The following GNB1L variants were observed in gnomAD, a reference collection of about 807,000 sequenced individuals.
The protein encoded by GNB1L is G protein subunit beta 1 like.
A neutral mutation model predicts 29.1 loss-of-function variants in GNB1L; 20 were observed. The observed-to-expected ratio is 0.69, with a 90% confidence interval of 0.48 to 1.00. The LOEUF is 1.00. Ranked by LOEUF, GNB1L falls within the 50% of genes least tolerant of loss-of-function variation. GNB1L has a pLI of 0.00. For missense variants in GNB1L, 421 were observed against 464.9 expected (o/e 0.91, Z 0.87); for synonymous variants, 193 against 206.5 (o/e 0.93, Z 0.56).
In GNB1L at chr22:19,831,570, A is replaced by G. The variant is rs540937878; in HGVS notation, c.-20-10195T>C. On this transcript the variant is annotated intron_variant, in intron 2 of 7. Transcript: ENST00000329517. ...GCTGGGTGTGGTGGCAGGTGCCTGT[A>G]GTCCCAGTTACTTGGGAGGCTGAGG... 2.0e-5 allele frequency among the ~76,000 whole-genome samples: 3 copies of G among 151,842 alleles called. 1 individual carries two copies. Among genetic ancestry groups the G allele is most frequent in the East Asian group, 1.9e-4 (1 of 5,160 alleles).
chr22:19,788,386 T>G lies in GNB1L; in HGVS notation c.*323A>C. On this transcript the variant is annotated 3_prime_UTR_variant, in exon 8 of 8. Transcript: ENST00000329517. Reference sequence around the variant, plus strand: ...TGCTAAGTGGGGGACCAGGGCCTCCTCAGGGAGCTCCCACCTCAAGCCTGC... The same window carrying G: ...TGCTAAGTGGGGGACCAGGGCCTCCGCAGGGAGCTCCCACCTCAAGCCTGC... 1 of 587,678 alleles carries G rather than the reference T, an allele frequency of 1.7e-6. No individual in the cohort carries two copies. Among genetic ancestry groups the G allele is most frequent in the South Asian group, 2.1e-5 (1 of 48,244 alleles). The allele number at this position is 587,678 out of a possible 1,614,324, so 36.4% of individuals were successfully genotyped here.
At chr22:19,846,074 G>A (rs1937953024) in intron 2 of GNB1L, 1 of 152,246 alleles carries the variant, frequency 6.6e-6, no homozygotes, top group African/African-American at 2.4e-5. Flanking sequence ...GGAAAAAGGT[G>A]AAATGGGATC....
intron 2 of GNB1L, among the ~76,000 whole-genome samples, chr22:19,828,321 G>A (rs1937636529): frequency 6.6e-6 from 1 of 152,148 alleles, no homozygotes; most frequent in African/African-American, 2.4e-5. Context: ...ACTTGACAAA[G>A]ACAGATAGTT....
Position 19,806,818 on chromosome 22 carries a change from CAA to C in GNB1L, c.418-63_418-62del, listed in dbSNP as rs367790796. ...CCAAGTCGAGTCTGCGCTATACAAA[CAA>C]GAGACTCTTAAGGCGATTAGCCCGG... On this transcript the variant is annotated intron_variant, in intron 5 of 7. Transcript: ENST00000329517. The C allele has an allele frequency of 4.2e-4, 493 of 1,173,450 alleles. No individual in the cohort carries two copies. The African/African-American group carries it at 6.6e-3, about 16-fold the overall frequency. 72.7% of individuals were successfully genotyped at this position (1,173,450 alleles called of 1,614,324 possible).
At chr22:19,814,518 G>C (rs540536272) in intron 4 of GNB1L, among the ~76,000 whole-genome samples, 1 of 152,188 alleles carries the variant, frequency 6.6e-6, no homozygotes, top group South Asian at 2.1e-4. Context: ...GTAAGCAAAA[G>C]CTATACCTTG....
At chr22:19,792,344 T>C (rs1056679771) in intron 7 of GNB1L, 2 of 1,173,862 alleles carry the variant, frequency 1.7e-6, no homozygotes, top group Non-Finnish European at 2.5e-6. Flanking sequence ...TGGCCCCTGC[T>C]GTCATGAAGA....
chr22:19,851,231 G>A (rs758850074), intron 2 of GNB1L: 19 of 1,601,016 alleles, frequency 1.2e-5, no homozygotes, highest in African/African-American at 8.0e-5. Flanking sequence ...CTCCTGTGGG[G>A]TACCTAAGGA....
intron 4 of GNB1L, among the ~76,000 whole-genome samples, chr22:19,814,524 C>T (rs1474700057): frequency 1.3e-5 from 2 of 152,196 alleles, no homozygotes; most frequent in African/African-American, 4.8e-5. Flanking sequence ...AAAAGCTATA[C>T]CTTGACAGTG....
intron 2 of GNB1L, chr22:19,851,421 T>A: frequency 6.2e-7 from 1 of 1,613,914 alleles, no homozygotes; most frequent in Non-Finnish European, 8.5e-7. Context: ...GGACCAGGCT[T>A]GGAGCTACAT....
At chr22:19,851,025 C>T (rs1369209275) in intron 2 of GNB1L, 2 of 1,441,676 alleles carry the variant, frequency 1.4e-6, no homozygotes, top group African/African-American at 2.9e-5. Context: ...AGCGCAGAGT[C>T]CAAAACAAGC....
At position 19,812,301 on chromosome 22, in the gene GNB1L, C is replaced by A; in HGVS notation, c.401G>T (p.Gly134Val). ...GQPRWTLAVP[G>V]RGSDEVQILE... ...GGCTCTCACCTCGTCGCTGCCCCTC[C>A]CTGGCACGGCAAGCGTCCAGCGTGG... Residue 134 changes from glycine to valine, a missense_variant, in exon 5 of 8, where the codon GGG (glycine) becomes GTG (valine). Physicochemically the swap from Gly to Val is moderately radical, Grantham distance 109. Coordinates refer to ENST00000329517, the MANE Select transcript of GNB1L (RefSeq NM_053004.3). The A allele has an allele frequency of 6.2e-7, 1 of 1,612,696 alleles. No homozygotes were observed. The highest frequency in any genetic ancestry group is 8.5e-7 in the Non-Finnish European group (1 of 1,179,740).
Position 19,785,582 on chromosome 22 carries a change from C to A in GNB1L, c.*3127G>T, listed in dbSNP as rs1283005702. Reference sequence around the variant, plus strand: ...GGAAGATGTGGAAGGGCTGCCTCTCCCAGTTGGTGGGTTGGCCAGGGGCGT... The same window carrying A: ...GGAAGATGTGGAAGGGCTGCCTCTCACAGTTGGTGGGTTGGCCAGGGGCGT... On this transcript the variant is annotated 3_prime_UTR_variant, in exon 8 of 8. Transcript: ENST00000329517. The surrounding 1 kb of genome is among the most constrained non-coding windows in gnomAD (Gnocchi z 4.1). 1 of 152,250 alleles carries A rather than the reference C, an allele frequency of 6.6e-6. No homozygotes were observed. The highest frequency in any genetic ancestry group is 1.5e-5 in the Non-Finnish European group (1 of 68,080). 9.4% of individuals were successfully genotyped at this position (152,250 alleles called of 1,614,324 possible).
chr22:19,843,458 G>A (rs564516186), intron 2 of GNB1L, among the ~76,000 whole-genome samples: 1 of 152,262 alleles, frequency 6.6e-6, no homozygotes, highest in South Asian at 2.1e-4. Context: ...GCCAGGCACC[G>A]CCCCCCGGGC....
chr22:19,792,217 A>G, intron 7 of GNB1L: 1 of 606,056 alleles, frequency 1.7e-6, no homozygotes, highest in East Asian at 2.7e-5. Flanking sequence ...GAGATGTTGA[A>G]CATATCAGAT....
At chr22:19,849,568 T>C (rs890481512) in intron 2 of GNB1L, 1 of 452,426 alleles carries the variant, frequency 2.2e-6, no homozygotes, top group African/African-American at 2.1e-5. Context: ...GATTTCTCCA[T>C]GCTGGTCAGG....
chr22:19,783,570 A>AAAAC lies in GNB1L; in HGVS notation c.*5135_*5138dup, dbSNP rs60613692. On this transcript the variant is annotated 3_prime_UTR_variant, in exon 8 of 8. Transcript: ENST00000329517. ...CACTGTCCCTGGTCTCTTAAAAGAA[A>AAAAC]AAACAAACAAACAAACCAAAAAACA... 1 of 166,814 alleles carries AAAAC rather than the reference A, an allele frequency of 6.0e-6. No homozygotes were observed. The highest frequency in any genetic ancestry group is 2.4e-5 in the African/African-American group (1 of 41,570). The allele number at this position is 166,814 out of a possible 1,614,324, so 10.3% of individuals were successfully genotyped here.
Position 19,838,922 on chromosome 22 carries a change from T to C in GNB1L, c.-21+15521A>G, listed in dbSNP as rs1233116823. Among the ~76,000 whole-genome samples the C allele has an allele frequency of 2.0e-5, 3 of 152,244 alleles. No homozygotes were observed. In the East Asian group the frequency reaches 5.8e-4, roughly 29 times the overall value. ...CAAAACAGAAATGTGAAAACTATAA[T>C]CTCCTAAAACAGAAAATAACCCAAA... On this transcript the variant is annotated intron_variant, in intron 2 of 7. Transcript: ENST00000329517.
At chr22:19,815,802 G>A (rs949547034) in intron 4 of GNB1L, among the ~76,000 whole-genome samples, 3 of 152,100 alleles carry the variant, frequency 2.0e-5, no homozygotes, top group African/African-American at 4.8e-5. Context: ...GGTTGGTCTC[G>A]AACTCTGGGC....
Position 19,788,425 on chromosome 22 carries a change from A to G in GNB1L, c.*284T>C. 1.7e-6 allele frequency: 1 copy of G among 592,222 alleles called. No homozygotes were observed. The highest frequency in any genetic ancestry group is 2.0e-5 in the South Asian group (1 of 48,830). The allele number at this position is 592,222 out of a possible 1,614,324, so 36.7% of individuals were successfully genotyped here. A position where few individuals can be genotyped will look rare whatever the true frequency, so the allele number is the denominator to read the frequency against. ...CCTCAAGCCTGCAACTTGGCAATGG[A>G]AATTTATTATAAAATACCCTCAGCT... On this transcript the variant is annotated 3_prime_UTR_variant, in exon 8 of 8. Transcript: ENST00000329517.
Sources: allele counts gnomAD v4.1 joint callset (sites outside exome capture counted in the v4.1 genomes callset), GRCh38; gene constraint gnomAD v4.1.1; non-coding constraint Gnocchi (gnomAD v3.1); transcripts MANE v1.5; gene names NCBI Gene and HGNC (gene_info 2026-07-23, HGNC 2026-07-21).